Variants in SPMIP4 observed in about 807,000 individuals in gnomAD.
The protein encoded by SPMIP4 is sperm-associated microtubule inner protein 4.
chr7:25,140,637 G>A, the SPMIP4 span, among the ~76,000 whole-genome samples: 22 of 147,644 alleles, frequency 1.5e-4, no homozygotes, highest in African/African-American at 4.0e-4. Flanking sequence ...TTCTCCCCCC[G>A]CCCAGCATGA....
At chr7:25,176,093 G>T in the SPMIP4 span, among the ~76,000 whole-genome samples, 2 of 152,280 alleles carry the variant, frequency 1.3e-5, no homozygotes, top group African/African-American at 4.8e-5. The surrounding 1 kb of genome is among the most constrained non-coding windows in gnomAD (Gnocchi z 4.4). Flanking sequence ...CCTTTTTGTA[G>T]TTTATAGTTG....
At chr7:25,149,356 G>C in the SPMIP4 span, among the ~76,000 whole-genome samples, 2 of 152,250 alleles carry the variant, frequency 1.3e-5, no homozygotes, top group East Asian at 3.9e-4. Flanking sequence ...TATTATCCTA[G>C]AGATTAGAGA....
chr7:25,168,266 T>C, the SPMIP4 span: 9 of 1,582,928 alleles, frequency 5.7e-6, no homozygotes, highest in Non-Finnish European at 7.7e-6. Flanking sequence ...GACCTTTCTG[T>C]GAATGGCAGA....
chr7:25,172,977 G>T, the SPMIP4 span, among the ~76,000 whole-genome samples: 1 of 151,330 alleles, frequency 6.6e-6, no homozygotes, highest in Non-Finnish European at 1.5e-5. The surrounding 1 kb of genome is among the most constrained non-coding windows in gnomAD (Gnocchi z 4.2). Flanking sequence ...GGAGAGGAAG[G>T]GGGTGGTGGG....
At chr7:25,141,740 GAAAT>G in the SPMIP4 span, among the ~76,000 whole-genome samples, 4 of 151,542 alleles carry the variant, frequency 2.6e-5, no homozygotes, top group African/African-American at 9.7e-5. Context: ...AAGAAGAAAA[GAAAT>G]CTCTTTTTTT....
the SPMIP4 span, chr7:25,158,492 T>C: frequency 6.2e-7 from 1 of 1,602,718 alleles, no homozygotes; most frequent in Admixed American, 1.7e-5. Flanking sequence ...ATATAAGTTA[T>C]TTACTTACCC....
chr7:25,168,239 G>A, the SPMIP4 span: 1 of 1,531,610 alleles, frequency 6.5e-7, no homozygotes. Flanking sequence ...TGGAAGTAAA[G>A]AAAAATGGAT....
chr7:25,140,877 G>A, the SPMIP4 span, among the ~76,000 whole-genome samples: 6 of 152,116 alleles, frequency 3.9e-5, no homozygotes, highest in Admixed American at 1.3e-4. Context: ...ATGAGCCACC[G>A]AGCCTGACCC....
chr7:25,134,554 C>T, the SPMIP4 span: 3 of 448,242 alleles, frequency 6.7e-6, no homozygotes, highest in Non-Finnish European at 5.9e-6. Flanking sequence ...AAGGCTGTGC[C>T]ACCCTTGCAT....
chr7:25,175,244 A>T, the SPMIP4 span, among the ~76,000 whole-genome samples: 1 of 151,942 alleles, frequency 6.6e-6, no homozygotes, highest in Non-Finnish European at 1.5e-5. Flanking sequence ...CGTGTCACCT[A>T]TTTTTGTATT....
the SPMIP4 span, among the ~76,000 whole-genome samples, chr7:25,158,142 C>T: frequency 9.9e-5 from 15 of 151,940 alleles, no homozygotes; most frequent in Non-Finnish European, 1.8e-4. Flanking sequence ...CCGAGGTGGG[C>T]GGATCACTTG....
the SPMIP4 span, chr7:25,180,240 G>A: frequency 6.5e-6 from 1 of 152,746 alleles, no homozygotes; most frequent in Non-Finnish European, 1.5e-5. Flanking sequence ...CGCAGTAGGA[G>A]GCTCTTAGAG....
the SPMIP4 span, chr7:25,136,674 T>C: frequency 6.2e-7 from 1 of 1,614,196 alleles, no homozygotes; most frequent in South Asian, 1.1e-5. This position sits in a 1 kb window ranked among gnomAD's most constrained non-coding sequence, Gnocchi z 5.7. Flanking sequence ...GAGTACAATC[T>C]GGACAGGAAC....
chr7:25,155,164 G>A, the SPMIP4 span: 2 of 1,566,284 alleles, frequency 1.3e-6, no homozygotes, highest in Non-Finnish European at 1.7e-6. Context: ...TGGTAGGGGT[G>A]TTCAATTGGA....
chr7:25,141,760 C>T, the SPMIP4 span, among the ~76,000 whole-genome samples: 7 of 151,014 alleles, frequency 4.6e-5, no homozygotes, highest in South Asian at 1.0e-3. Flanking sequence ...TTTTTTGAGA[C>T]GTAGTCTCGC....
chr7:25,164,996 T>G, the SPMIP4 span, among the ~76,000 whole-genome samples: 2 of 152,252 alleles, frequency 1.3e-5, no homozygotes, highest in Non-Finnish European at 2.9e-5. Context: ...ATGGTATATC[T>G]ATGCCACATT....
the SPMIP4 span, among the ~76,000 whole-genome samples, chr7:25,156,026 T>C: frequency 1.3e-5 from 2 of 152,218 alleles, no homozygotes; most frequent in East Asian, 1.9e-4. Context: ...TGTAACCTTG[T>C]ATGGAAATAG....
the SPMIP4 span, among the ~76,000 whole-genome samples, chr7:25,151,180 T>C: frequency 6.6e-6 from 1 of 151,552 alleles, no homozygotes; most frequent in Non-Finnish European, 1.5e-5. Context: ...ATAGTCAAAA[T>C]CTCAAATTTT....
At chr7:25,177,493 A>C in the SPMIP4 span, among the ~76,000 whole-genome samples, 40,212 of 151,984 alleles carry the variant, frequency 0.26, 9,705 homozygotes, top group African/African-American at 0.65. Context: ...TAAAAAAAAA[A>C]CAAAAAAACA....
Sources: allele counts gnomAD v4.1 joint callset (sites outside exome capture counted in the v4.1 genomes callset), GRCh38; gene constraint gnomAD v4.1.1; non-coding constraint Gnocchi (gnomAD v3.1); transcripts MANE v1.5; gene names NCBI Gene and HGNC (gene_info 2026-07-23, HGNC 2026-07-21).